The following IFIH1 variants were observed in gnomAD, a reference collection of about 807,000 sequenced individuals.
IFIH1 encodes the protein interferon-induced helicase C domain-containing protein 1.
Under a neutral mutation model 107.4 loss-of-function variants are expected in IFIH1, and 125 were observed. The observed-to-expected ratio is 1.16, with a 90% CI of 1.01 to 1.35. The LOEUF is 1.35. IFIH1 is among the 40% of genes most tolerant of loss of function. The pLI is 0.00. For synonymous variants in IFIH1, 458 were observed against 413.2 expected (o/e 1.11, Z -1.31); for missense variants, 1,333 against 1,213.7 (o/e 1.10, Z -1.46).
At chr2:162,314,403 C>CTTTA (rs1265405197) in intron 1 of IFIH1, among the ~76,000 whole-genome samples, 1 of 64,804 alleles carries the variant, frequency 1.5e-5, no homozygotes, top group African/African-American at 8.6e-5. Context: ...TCCCTCCTTT[C>CTTTA]TTTCTTTCTT....
rs572726731 is a variant in IFIH1 at position 162,268,886 on chromosome 2, C to T, written c.2617-609G>A. ...TTGCAGGTGTGAGCCACTGCGCCAG[C>T]CTACCCATTTGTTTTAATTCTGTTC... On this transcript the variant is annotated intron_variant, in intron 13 of 15. Coordinates refer to ENST00000649979, the MANE Select transcript of IFIH1 (RefSeq NM_022168.4). Among the ~76,000 whole-genome samples, 4 of 152,268 alleles carry T rather than the reference C, an allele frequency of 2.6e-5. No individual in the cohort carries two copies. In the South Asian group the frequency reaches 6.2e-4, roughly 24 times the overall value.
intron 9 of IFIH1, 36 bp downstream of exon 9, chr2:162,278,169 G>GTTA: frequency 1.3e-6 from 2 of 1,561,970 alleles, no homozygotes; most frequent in Admixed American, 3.9e-5. Context: ...GTATAAACAT[G>GTTA]GGATAAACTA....
intron 15 of IFIH1, 38 bp downstream of exon 15, chr2:162,267,441 T>C (rs756885166): frequency 6.2e-7 from 1 of 1,612,000 alleles, no homozygotes. Context: ...ACATTCCTGT[T>C]GGCTAAAGTA....
chr2:162,276,627 G>T, intron 11 of IFIH1, 60 bp downstream of exon 11: 1 of 1,524,960 alleles, frequency 6.6e-7, no homozygotes, highest in Non-Finnish European at 8.8e-7. Flanking sequence ...AAGAGAAGAA[G>T]AGAAGAGAAG....
intron 11 of IFIH1, 90 bp downstream of exon 11, chr2:162,276,597 C>G: frequency 7.1e-7 from 1 of 1,414,840 alleles, no homozygotes; most frequent in Admixed American, 2.2e-5. Flanking sequence ...AGAGCGAGGC[C>G]TCGTCTGAAA....
chr2:162,281,091 T>C (rs1682798900), intron 7 of IFIH1, among the ~76,000 whole-genome samples: 1 of 152,206 alleles, frequency 6.6e-6, no homozygotes, highest in South Asian at 2.1e-4. Context: ...TTATCTCAAC[T>C]TCCCATTAAT....
Position 162,276,959 on chromosome 2 carries a change from A to G in IFIH1, c.2045-13T>C. On this transcript the variant is annotated splice_polypyrimidine_tract_variant and intron_variant, in intron 10 of 15. Transcript: ENST00000649979. The stretch of plus-strand genomic sequence containing the variant: ...ATTTTATTGTTTTCTTTAAGAAATA[A>G]TTAGAGTTGATATGTTAACAAGCTT... 1 of 1,578,926 alleles carries G rather than the reference A, an allele frequency of 6.3e-7. No individual in the cohort carries two copies. The highest frequency in any genetic ancestry group is 8.6e-7 in the Non-Finnish European group (1 of 1,163,574).
intron 13 of IFIH1, among the ~76,000 whole-genome samples, chr2:162,269,638 T>C (rs1690995297): frequency 6.6e-6 from 1 of 152,184 alleles, no homozygotes; most frequent in Non-Finnish European, 1.5e-5. Flanking sequence ...AACTGACCTC[T>C]CATAGATGAC....
intron 1 of IFIH1, among the ~76,000 whole-genome samples, chr2:162,313,414 T>C (rs1489205888): frequency 6.6e-6 from 1 of 152,210 alleles, no homozygotes; most frequent in Non-Finnish European, 1.5e-5. Context: ...TTTCACTATG[T>C]AGTCTATTAA....
intron 13 of IFIH1, among the ~76,000 whole-genome samples, chr2:162,271,525 A>G (rs993311765): frequency 2.6e-5 from 4 of 152,144 alleles, no homozygotes; most frequent in Non-Finnish European, 4.4e-5. Context: ...GTAAATGGGT[A>G]CAGCACACCA....
rs1216676670 is a variant in IFIH1 at position 162,306,775 on chromosome 2, T to C, written c.703A>G (p.Lys235Glu). Residue 235 changes from lysine to glutamate, a missense_variant, in exon 3 of 16, where the codon AAG becomes GAG. Physicochemically the swap from Lys to Glu is moderately conservative, Grantham distance 56. Transcript: ENST00000649979. ...LSTTVQPNLEKEVWGMENNSS... is the reference protein window; with the variant it reads ...LSTTVQPNLEEEVWGMENNSS... ...TTATTCTCCATGCCCCAGACCTCCT[T>C]CTCCAGATTTGGCTGAACTGTGGTT... The C allele has an allele frequency of 1.2e-6, 2 of 1,613,766 alleles. No individual in the cohort carries two copies. The highest frequency in any genetic ancestry group is 2.7e-5 in the African/African-American group (2 of 74,894).
In IFIH1 at chr2:162,276,884, TG is replaced by T; in HGVS notation, c.2106del (p.Lys703AsnfsTer2). On this transcript the variant is annotated frameshift_variant, in exon 11 of 16. Transcript: ENST00000649979. LOFTEE classifies it high-confidence loss of function. ...TGCTCCATTATGGTATTTCTTAATT[TG>T]GTCAGCTTTTCATTTTCATATTCTG... ...ENPEYENEKL[T>X]KLRNTIMEQY... 6.2e-7 allele frequency: 1 copy of T among 1,613,072 alleles called. No individual in the cohort carries two copies. The highest frequency in any genetic ancestry group is 8.5e-7 in the Non-Finnish European group (1 of 1,179,620).
chr2:162,290,396 ATAT>A (rs1682976700), intron 4 of IFIH1, among the ~76,000 whole-genome samples: 1 of 151,886 alleles, frequency 6.6e-6, no homozygotes, highest in Admixed American at 6.6e-5. Flanking sequence ...AATGAGTAAA[ATAT>A]TAATATTACT....
At chr2:162,302,396 A>T (rs1158554713) in intron 3 of IFIH1, among the ~76,000 whole-genome samples, 4 of 152,226 alleles carry the variant, frequency 2.6e-5, no homozygotes, top group Admixed American at 6.5e-5. Context: ...CATAAAAATC[A>T]TATTTACAGA....
In IFIH1 at chr2:162,272,233, G is replaced by A. The variant is rs566965537; in HGVS notation, c.2609C>T (p.Ala870Val). The change falls in exon 13 of 16, where the codon GCT becomes GTT. Residue 870 changes from alanine to valine, a missense_variant. By Grantham distance (64) the Ala-to-Val change is moderately conservative. Transcript: ENST00000649979. ...AGAGGTGACCAACAATACCTTATGAGCATACTCCTCTGGTTTCATATTTTG... is the reference window on the plus strand; with the variant it reads ...AGAGGTGACCAACAATACCTTATGAACATACTCCTCTGGTTTCATATTTTG... The part of the protein sequence containing the change: ...CVQNMKPEEY[A>V]HKILELQMQS... 1.4e-5 allele frequency: 23 copies of A among 1,610,594 alleles called. No homozygotes were observed. Among genetic ancestry groups the A allele is most frequent in the South Asian group, 3.3e-5 (3 of 90,636 alleles).
chr2:162,290,578 A>G (rs1576230672), intron 4 of IFIH1, among the ~76,000 whole-genome samples: 1 of 152,006 alleles, frequency 6.6e-6, no homozygotes, highest in South Asian at 2.1e-4. Context: ...CTGGACACCT[A>G]TTATATGCCA....
Position 162,308,075 on chromosome 2 carries a change from C to T in IFIH1, c.623-1220G>A, listed in dbSNP as rs142314572. ...TCAGGATCCGATATGTATCAGGACC[C>T]AGAGTCTAAGCTCCTACAGTAGTCT... On this transcript the variant is annotated intron_variant, in intron 2 of 15. Coordinates refer to ENST00000649979, the MANE Select transcript of IFIH1 (RefSeq NM_022168.4). Among the ~76,000 whole-genome samples, 45 of 152,316 alleles carry T rather than the reference C, an allele frequency of 3.0e-4. 1 individual carries two copies. The highest frequency in any genetic ancestry group is 1.1e-3 in the African/African-American group (45 of 41,564).
chr2:162,317,016 G>GGTGT (rs56835671), intron 1 of IFIH1, among the ~76,000 whole-genome samples: 8,785 of 143,964 alleles, frequency 0.061, 649 homozygotes, highest in Admixed American at 0.24. Context: ...AAAGAAAAAG[G>GGTGT]GTGTGTGTGT....
At position 162,276,925 on chromosome 2, in the gene IFIH1, C is replaced by T. The variant is rs755387327; in HGVS notation, c.2066G>A (p.Arg689Lys). 6.9e-6 allele frequency: 11 copies of T among 1,603,060 alleles called. No homozygotes were observed. Among genetic ancestry groups the T allele is most frequent in the East Asian group, 4.5e-5 (2 of 44,796 alleles). Residue 689 changes from arginine to lysine, a missense_variant, in exon 11 of 16, where the codon AGG (arginine) becomes AAG (lysine). Physicochemically the swap from Arg to Lys is conservative, Grantham distance 26 (BLOSUM62 2). Transcript: ENST00000649979. ...LFFENNKMLK[R>K]LAENPEYENE... is the part of the protein sequence containing the mutation. ...TTCATATTCTGGGTTTTCAGCCAGC[C>T]TTTTCAACATTTTATTGTTTTCTTT...
Sources: gnomAD v4.1 joint callset for allele counts (sites outside exome capture counted in the v4.1 genomes callset) on GRCh38, gnomAD v4.1.1 for gene constraint, MANE v1.5 for transcripts, NCBI Gene and HGNC (gene_info 2026-07-23, HGNC 2026-07-21) for gene names.